IMMP2L: variants seen among roughly 807,000 people sequenced by gnomAD.
IMMP2L encodes mitochondrial inner membrane protease subunit 2.
A neutral mutation model predicts 19.3 loss-of-function variants in IMMP2L; 18 were observed. That is an observed-to-expected ratio of 0.93 (90% CI 0.64 to 1.38). The LOEUF is 1.38. IMMP2L is among the 40% of genes most tolerant of loss of function. The probability of loss-of-function intolerance (pLI) is 0.00; values close to 1 mark genes in which losing one functional copy is unlikely to be tolerated. For missense variants in IMMP2L, 233 were observed against 218.2 expected (o/e 1.07, Z -0.43); for synonymous variants, 76 against 73.0 (o/e 1.04, Z -0.21).
At chr7:110,977,362 C>G (rs1349583680) in intron 3 of IMMP2L, among the ~76,000 whole-genome samples, 1 of 151,868 alleles carries the variant, frequency 6.6e-6, no homozygotes. Context: ...TGCTGATCCC[C>G]AAATATTACT....
chr7:111,274,856 T>C (rs960178646), intron 3 of IMMP2L, among the ~76,000 whole-genome samples: 1 of 152,142 alleles, frequency 6.6e-6, no homozygotes. Flanking sequence ...AATAGTATAA[T>C]GATTTAGAGA....
intron 3 of IMMP2L, among the ~76,000 whole-genome samples, chr7:111,384,601 T>C (rs1831554361): frequency 3.3e-5 from 5 of 152,060 alleles, no homozygotes. Flanking sequence ...GGCCTTTGTA[T>C]AATAGGTAAA....
intron 2 of IMMP2L, among the ~76,000 whole-genome samples, chr7:111,497,396 ATAAC>A (rs1325471554): frequency 1.3e-5 from 2 of 152,200 alleles, no homozygotes; most frequent in Non-Finnish European, 2.9e-5. Context: ...AATCAAGTGA[ATAAC>A]TGAGCCAAGC....
chr7:110,909,036 T>C (rs1474986495), intron 4 of IMMP2L, among the ~76,000 whole-genome samples: 4 of 152,106 alleles, frequency 2.6e-5, no homozygotes, highest in Admixed American at 2.0e-4. Flanking sequence ...GAATATGACC[T>C]AGTCTGAGAT....
rs966858870 is a variant in IMMP2L, at chr7:111,374,510, A to G, written c.239+112728T>C. Among the ~76,000 whole-genome samples the G allele has an allele frequency of 2.6e-5, 4 of 152,254 alleles. No homozygotes were observed. In the South Asian group the frequency reaches 6.2e-4, roughly 24 times the overall value. ...CCACAAAGTGAGCTTTTCAAAGTCC[A>G]TTCTTTCTCCCACATTATTATTGTC... On this transcript the variant is annotated intron_variant, in intron 3 of 5. Transcript: ENST00000405709.
chr7:110,823,517 AG>A (rs1394784851), intron 5 of IMMP2L, among the ~76,000 whole-genome samples: 1 of 152,072 alleles, frequency 6.6e-6, no homozygotes, highest in African/African-American at 2.4e-5. Flanking sequence ...TGACAGGAAA[AG>A]TTTATCCTAA....
At chr7:110,972,497 AG>A (rs1269497815) in intron 3 of IMMP2L, among the ~76,000 whole-genome samples, 4 of 151,952 alleles carry the variant, frequency 2.6e-5, no homozygotes, top group African/African-American at 4.8e-5. Context: ...AGCTATAGAG[AG>A]GGGGGAAAGA....
At chr7:110,942,282 T>G (rs2129553117) in intron 4 of IMMP2L, among the ~76,000 whole-genome samples, 1 of 152,094 alleles carries the variant, frequency 6.6e-6, no homozygotes, top group Non-Finnish European at 1.5e-5. Flanking sequence ...AATTGAAGAA[T>G]AACTCAATAG....
At chr7:110,890,607 A>T (rs1810694016) in intron 4 of IMMP2L, among the ~76,000 whole-genome samples, 1 of 152,202 alleles carries the variant, frequency 6.6e-6, no homozygotes, top group Non-Finnish European at 1.5e-5. Flanking sequence ...AATTCACATA[A>T]AAGAAAGACA....
Position 110,663,692 on chromosome 7 carries a change from G to A in IMMP2L, c.438C>T (p.Ala146=). The change falls in exon 6 of 6, where the codon GCC becomes GCT. Residue 146 remains alanine, a synonymous_variant. Coordinates refer to ENST00000405709, the MANE Select transcript of IMMP2L (RefSeq NM_032549.4). ...GCTCTGGGGGCCACAGGATATGTGT[G>A]GCATGGGCATGCAGAAGTCCTAGGG... is the stretch of plus-strand genomic sequence containing the variant. ...PVSLGLLHAH[A]THILWPPERW... The A allele has an allele frequency of 1.9e-6, 3 of 1,602,858 alleles. No individual in the cohort carries two copies. The highest frequency in any genetic ancestry group is 2.6e-6 in the Non-Finnish European group (3 of 1,174,594).
intron 3 of IMMP2L, among the ~76,000 whole-genome samples, chr7:111,153,753 C>T (rs1349225424): frequency 6.6e-6 from 1 of 151,982 alleles, no homozygotes; most frequent in South Asian, 2.1e-4. Flanking sequence ...ACAATAAGCA[C>T]ACAAATCTCC....
chr7:111,011,270 C>T (rs990860169), intron 3 of IMMP2L, among the ~76,000 whole-genome samples: 1 of 152,064 alleles, frequency 6.6e-6, no homozygotes. Context: ...TTGCTGAGAG[C>T]AGTATTCATT....
intron 3 of IMMP2L, among the ~76,000 whole-genome samples, chr7:111,183,720 C>T (rs1468329814): frequency 6.6e-6 from 1 of 152,000 alleles, no homozygotes; most frequent in Non-Finnish European, 1.5e-5. Context: ...GTTAAGTCTT[C>T]CACAAGGCAT....
chr7:111,128,992 A>G (rs2129592808), intron 3 of IMMP2L, among the ~76,000 whole-genome samples: 1 of 152,330 alleles, frequency 6.6e-6, no homozygotes, highest in African/African-American at 2.4e-5. Context: ...AGGAGAACCA[A>G]CTTACTCTAT....
intron 4 of IMMP2L, among the ~76,000 whole-genome samples, chr7:110,931,838 A>G (rs74660039): frequency 0.03 from 4,632 of 152,204 alleles, 109 homozygotes; most frequent in South Asian, 0.058. Flanking sequence ...ACTCCACTTC[A>G]TATCCACCAG....
chr7:110,809,669 C>T (rs1025785076), intron 5 of IMMP2L, among the ~76,000 whole-genome samples: 1 of 151,914 alleles, frequency 6.6e-6, no homozygotes, highest in Non-Finnish European at 1.5e-5. Context: ...TTTCTCAAAT[C>T]TCCTAGAAAA....
At chr7:111,277,943 G>C (rs1379229835) in intron 3 of IMMP2L, among the ~76,000 whole-genome samples, 2 of 152,102 alleles carry the variant, frequency 1.3e-5, no homozygotes, top group Non-Finnish European at 2.9e-5. Flanking sequence ...AGAAACATGG[G>C]TGGAACTGAA....
chr7:111,255,139 T>C (rs1245378824), intron 3 of IMMP2L, among the ~76,000 whole-genome samples: 1 of 152,078 alleles, frequency 6.6e-6, no homozygotes, highest in Non-Finnish European at 1.5e-5. Flanking sequence ...CCGATACATA[T>C]TTTAAAGCAT....
chr7:111,379,975 A>G (rs1049687746), intron 3 of IMMP2L, among the ~76,000 whole-genome samples: 4 of 151,954 alleles, frequency 2.6e-5, no homozygotes, highest in African/African-American at 9.7e-5. Flanking sequence ...ATTATGAACT[A>G]TCTAAATAAA....
Sources: gnomAD v4.1 joint callset for allele counts (sites outside exome capture counted in the v4.1 genomes callset) on GRCh38, gnomAD v4.1.1 for gene constraint, MANE v1.5 for transcripts, NCBI Gene and HGNC (gene_info 2026-07-23, HGNC 2026-07-21) for gene names.